SUMF1: variants seen among roughly 807,000 people sequenced by gnomAD.
SUMF1 encodes formylglycine-generating enzyme.
In SUMF1, 48 loss-of-function variants were observed where a neutral mutation model predicts 47.6. The observed-to-expected ratio is 1.01, with a 90% CI of 0.80 to 1.28. The LOEUF is 1.28. Ranked by LOEUF, SUMF1 falls within the 50% of genes most tolerant of loss-of-function variation. The probability of loss-of-function intolerance (pLI) is 0.00; values close to 1 mark genes in which losing one functional copy is unlikely to be tolerated. For synonymous variants in SUMF1, 230 were observed against 192.1 expected (o/e 1.20, Z -1.63); for missense variants, 571 against 485.4 (o/e 1.18, Z -1.66).
intron 3 of SUMF1, among the ~76,000 whole-genome samples, chr3:4,426,475 G>C (rs1702070743): frequency 6.6e-6 from 1 of 152,192 alleles, no homozygotes. Context: ...TTTTCCAAGT[G>C]TCACTGTTTC....
At chr3:4,090,180 C>T (rs985477365) in intron 8 of SUMF1, among the ~76,000 whole-genome samples, 45 of 152,136 alleles carry the variant, frequency 3.0e-4, no homozygotes, top group African/African-American at 1.1e-3. Context: ...AGCAGGTCCT[C>T]GAATAATGCT....
chr3:4,459,730 T>C (rs2079762020), intron 1 of SUMF1, among the ~76,000 whole-genome samples: 1 of 152,216 alleles, frequency 6.6e-6, no homozygotes, highest in African/African-American at 2.4e-5. Context: ...TGTATCTCTC[T>C]AATCTCTCCC....
At chr3:4,098,529 G>A (rs1692957835) in intron 8 of SUMF1, among the ~76,000 whole-genome samples, 1 of 152,036 alleles carries the variant, frequency 6.6e-6, no homozygotes, top group South Asian at 2.1e-4. Flanking sequence ...CCCTTTGTGT[G>A]GCAATGATTA....
In SUMF1 at chr3:4,280,246, GA is replaced by G. The variant is rs574758505; in HGVS notation, c.1014+96083del. ...ATTAAAATGTTTTAAAAAATTCCAA[GA>G]GGCATTTTATAAATGCACTACAAAT... is the stretch of plus-strand genomic sequence containing the variant. On this transcript the variant is annotated intron_variant and NMD_transcript_variant, in intron 8 of 12. Transcript: ENST00000448413. Among the ~76,000 whole-genome samples the G allele has an allele frequency of 9.3e-4, 141 of 152,198 alleles. 1 individual carries two copies. Among genetic ancestry groups the G allele is most frequent in the Admixed American group, 5.5e-3 (84 of 15,290 alleles).
At chr3:4,358,710 T>C (rs141585342), downstream of SUMF1, among the ~76,000 whole-genome samples, 370 of 152,322 alleles carry the variant, frequency 2.4e-3, no homozygotes, top group African/African-American at 8.4e-3. Context: ...TGTGTTAAGC[T>C]CTGAAAAACT....
chr3:4,420,166 G>A lies in SUMF1; in HGVS notation c.520-20C>T, dbSNP rs375042286. 3 of 1,604,994 alleles carry A rather than the reference G, an allele frequency of 1.9e-6. No homozygotes were observed. The highest frequency in any genetic ancestry group is 2.6e-6 in the Non-Finnish European group (3 of 1,174,014). On this transcript the variant is annotated intron_variant, in intron 3 of 8. Transcript: ENST00000272902. ...TGCAACCTCAAAGCAACCCAGAACA[G>A]GCTGATGTTAGCTACTAACATCAAC...
At chr3:4,150,188 G>T (rs1199327247) in intron 8 of SUMF1, among the ~76,000 whole-genome samples, 1 of 151,818 alleles carries the variant, frequency 6.6e-6, no homozygotes, top group East Asian at 1.9e-4. Context: ...TGATCTCCTG[G>T]GCTCAACCAA....
intron 8 of SUMF1, among the ~76,000 whole-genome samples, chr3:4,115,211 G>A (rs1238679355): frequency 6.6e-6 from 1 of 151,972 alleles, no homozygotes; most frequent in East Asian, 1.9e-4. Context: ...CATGGAATTC[G>A]GCTGGGGGCA....
chr3:4,324,751 T>C (rs58249164), intron 8 of SUMF1, among the ~76,000 whole-genome samples: 116 of 152,232 alleles, frequency 7.6e-4, no homozygotes, highest in African/African-American at 2.7e-3. Context: ...TCAAAAGAAA[T>C]ACAGTATTGA....
chr3:4,069,027 A>C (rs973780006), intron 8 of SUMF1, among the ~76,000 whole-genome samples: 1 of 152,204 alleles, frequency 6.6e-6, no homozygotes, highest in South Asian at 2.1e-4. Context: ...TATTATATTT[A>C]AATACCCAGG....
At chr3:4,410,773 T>C in intron 7 of SUMF1, 92 bp downstream of exon 7, 2 of 1,102,886 alleles carry the variant, frequency 1.8e-6, no homozygotes, top group Admixed American at 1.7e-5. Context: ...AGTATGTAAA[T>C]ACCCCTCGGA....
intron 8 of SUMF1, among the ~76,000 whole-genome samples, chr3:4,191,046 G>A (rs1402649677): frequency 6.6e-6 from 1 of 152,146 alleles, no homozygotes; most frequent in Admixed American, 6.6e-5. Flanking sequence ...AGCTGGGAGG[G>A]TGCTATCATG....
intron 8 of SUMF1, among the ~76,000 whole-genome samples, chr3:4,344,208 C>A (rs61217107): frequency 6.6e-6 from 1 of 152,158 alleles, no homozygotes; most frequent in Non-Finnish European, 1.5e-5. Context: ...TGTCGTGACC[C>A]ACGGAGAGAA....
intron 8 of SUMF1, among the ~76,000 whole-genome samples, chr3:4,226,817 G>A (rs535385774): frequency 6.6e-6 from 1 of 152,020 alleles, no homozygotes; most frequent in East Asian, 1.9e-4. Flanking sequence ...AAAAACCCAA[G>A]GAACTGCCTC....
At chr3:4,417,797 G>A (rs910502487) in intron 5 of SUMF1, among the ~76,000 whole-genome samples, 9 of 152,334 alleles carry the variant, frequency 5.9e-5, no homozygotes, top group Non-Finnish European at 1.2e-4. Flanking sequence ...GGGGCTGGAG[G>A]GAGCCCACTT....
chr3:4,180,700 A>ACACACACACACACACACACACACG (rs1553606606), intron 8 of SUMF1, among the ~76,000 whole-genome samples: 8 of 151,424 alleles, frequency 5.3e-5, no homozygotes, highest in Non-Finnish European at 7.4e-5. Flanking sequence ...ACACACACAC[A>ACACACACACACACACACACACACG]AAATTAGCCA....
rs1475114903 is a variant in SUMF1 at position 4,331,487 on chromosome 3, AGGACAATGCCT to A, written c.1014+44832_1014+44842del. Among the ~76,000 whole-genome samples the A allele has an allele frequency of 5.9e-5, 9 of 152,342 alleles. No individual in the cohort carries two copies. The East Asian group carries it at 1.3e-3, about 23-fold the overall frequency. Reference sequence around the variant, plus strand: ...GTACCAGATGCAAAGTCCAGAACAAAGGACAATGCCTGGAGCTAGGCCTAGTCATAGCCTAA... The same window carrying A: ...GTACCAGATGCAAAGTCCAGAACAAAGGAGCTAGGCCTAGTCATAGCCTAA... On this transcript the variant is annotated intron_variant and NMD_transcript_variant, in intron 8 of 12. Coordinates refer to the SUMF1 transcript ENST00000448413.
At chr3:4,148,581 T>G (rs1235518381) in intron 8 of SUMF1, among the ~76,000 whole-genome samples, 2 of 152,132 alleles carry the variant, frequency 1.3e-5, no homozygotes, top group Non-Finnish European at 2.9e-5. Flanking sequence ...GACAGGACAA[T>G]AAATATTTTA....
At chr3:4,383,635 A>G (rs1700579576) in intron 7 of SUMF1, among the ~76,000 whole-genome samples, 1 of 152,180 alleles carries the variant, frequency 6.6e-6, no homozygotes, top group East Asian at 1.9e-4. Context: ...ATAATGTCAA[A>G]GGTTGGGTAT....
Sources: gnomAD v4.1 joint callset for allele counts (sites outside exome capture counted in the v4.1 genomes callset) on GRCh38, gnomAD v4.1.1 for gene constraint, MANE v1.5 for transcripts, NCBI Gene and HGNC (gene_info 2026-07-23, HGNC 2026-07-21) for gene names.